NEK7: variants seen among roughly 807,000 people sequenced by gnomAD.
The protein encoded by NEK7 is NIMA related kinase 7.
In NEK7, 18 loss-of-function variants were observed where a neutral mutation model predicts 44.6. The ratio of observed to expected loss-of-function variants is 0.40; its 90% CI spans 0.28 to 0.60. The LOEUF is 0.60. NEK7 is among the 20% of genes least tolerant of loss of function. The pLI is 0.38. For synonymous variants in NEK7, 130 were observed against 121.1 expected (o/e 1.07, Z -0.48); for missense variants, 256 against 366.5 (o/e 0.70, Z 2.46).
chr1:198,294,837 A>T lies in NEK7; in HGVS notation c.684+1798A>T, dbSNP rs542938215. ...CGCATTTTCTTGATTTCTCCATGCA[A>T]ATCTTTTAGAAGAACTAGAATTTTT... On this transcript the variant is annotated intron_variant, in intron 8 of 9. Coordinates refer to ENST00000367385, the MANE Select transcript of NEK7 (RefSeq NM_133494.3). 4.6e-5 allele frequency among the ~76,000 whole-genome samples: 7 copies of T among 152,256 alleles called. No homozygotes were observed. The South Asian group carries it at 6.2e-4, about 14-fold the overall frequency.
intron 2 of NEK7, among the ~76,000 whole-genome samples, chr1:198,250,638 A>G (rs1652913277): frequency 7.1e-6 from 1 of 140,884 alleles, no homozygotes; most frequent in African/African-American, 2.7e-5. Context: ...TTCTCTTTGA[A>G]GCAATTGTGA....
chr1:198,158,236 T>C (rs1037629835), intron 1 of NEK7, among the ~76,000 whole-genome samples: 1 of 152,182 alleles, frequency 6.6e-6, no homozygotes, highest in Admixed American at 6.5e-5. Context: ...CATGTTACTG[T>C]CCTTGCGCAA....
At chr1:198,186,853 C>T (rs534218658) in intron 1 of NEK7, among the ~76,000 whole-genome samples, 1 of 152,226 alleles carries the variant, frequency 6.6e-6, no homozygotes, top group Admixed American at 6.5e-5. Flanking sequence ...AAGTAAAGTC[C>T]CAGACAGTAC....
intron 1 of NEK7, among the ~76,000 whole-genome samples, chr1:198,205,126 A>G (rs917598049): frequency 1.1e-4 from 16 of 152,114 alleles, no homozygotes; most frequent in African/African-American, 4.8e-5. Context: ...TTTGGATCCA[A>G]TTTATACTCA....
chr1:198,252,658 G>GT (rs1303979054), intron 2 of NEK7, among the ~76,000 whole-genome samples: 2 of 134,940 alleles, frequency 1.5e-5, no homozygotes, highest in Non-Finnish European at 3.1e-5. Context: ...ATATATGTAT[G>GT]TTTATATATT....
intron 1 of NEK7, among the ~76,000 whole-genome samples, chr1:198,158,150 T>C (rs570346614): frequency 2.4e-4 from 36 of 152,288 alleles, no homozygotes; most frequent in African/African-American, 8.4e-4. Flanking sequence ...GGAGAGATGA[T>C]GTATCGTGTT....
chr1:198,239,364 C>T (rs1666623716), intron 2 of NEK7, among the ~76,000 whole-genome samples: 1 of 151,952 alleles, frequency 6.6e-6, no homozygotes, highest in African/African-American at 2.4e-5. Context: ...TTGATTATAA[C>T]CATGCTTTTT....
chr1:198,292,763 A>C (rs994036914), intron 7 of NEK7, among the ~76,000 whole-genome samples, 182 bp from the exon 8 acceptor site: 1 of 151,946 alleles, frequency 6.6e-6, no homozygotes, highest in Non-Finnish European at 1.5e-5. Flanking sequence ...TTAGTGTACT[A>C]TTTAAGGGTC....
chr1:198,198,246 T>C, intron 1 of NEK7: 1 of 563,092 alleles, frequency 1.8e-6, no homozygotes, highest in Non-Finnish European at 3.3e-6. Flanking sequence ...TCTCCTCAGC[T>C]CAATACATTT....
intron 2 of NEK7, among the ~76,000 whole-genome samples, chr1:198,243,861 G>A (rs936094649): frequency 5.9e-5 from 9 of 151,958 alleles, no homozygotes; most frequent in African/African-American, 1.4e-4. Flanking sequence ...GAAGAAACAC[G>A]AATAATTAGG....
chr1:198,232,843 A>G (rs528069326), intron 2 of NEK7, among the ~76,000 whole-genome samples: 10 of 148,788 alleles, frequency 6.7e-5, no homozygotes, highest in African/African-American at 2.5e-4. Context: ...TTTTAGGTGT[A>G]ATTAGTACAC....
intron 8 of NEK7, among the ~76,000 whole-genome samples, chr1:198,295,420 G>A (rs1203934042): frequency 1.3e-5 from 2 of 152,100 alleles, no homozygotes; most frequent in African/African-American, 4.8e-5. Context: ...TCAGTGTGGA[G>A]GATCAAATTA....
intron 7 of NEK7, among the ~76,000 whole-genome samples, chr1:198,285,240 C>T (rs926272432): frequency 1.3e-5 from 2 of 151,906 alleles, no homozygotes; most frequent in African/African-American, 2.4e-5. Flanking sequence ...ATCCTAGATA[C>T]CTAGAAGAGG....
chr1:198,295,331 C>T (rs1434717111), intron 8 of NEK7, among the ~76,000 whole-genome samples: 1 of 152,092 alleles, frequency 6.6e-6, no homozygotes, highest in Admixed American at 6.6e-5. Flanking sequence ...GCTTTCGTCC[C>T]TCCGACACCC....
intron 5 of NEK7, among the ~76,000 whole-genome samples, chr1:198,266,891 A>G (rs1433611692): frequency 6.6e-6 from 1 of 151,994 alleles, no homozygotes. Flanking sequence ...GCATCATACA[A>G]ATCTACCCTT....
chr1:198,176,718 G>C (rs772960326), intron 1 of NEK7, among the ~76,000 whole-genome samples: 1 of 152,024 alleles, frequency 6.6e-6, no homozygotes, highest in Non-Finnish European at 1.5e-5. Context: ...TGATGTTTGT[G>C]AGGCAGAATT....
At chr1:198,255,764 AT>A in intron 3 of NEK7, among the ~76,000 whole-genome samples, 1 of 152,208 alleles carries the variant, frequency 6.6e-6, no homozygotes, top group South Asian at 2.1e-4. Flanking sequence ...TTTAAACCTA[AT>A]TTCTTCATAG....
intron 1 of NEK7, among the ~76,000 whole-genome samples, chr1:198,160,250 C>G (rs996207617): frequency 2.6e-5 from 4 of 151,174 alleles, no homozygotes; most frequent in African/African-American, 9.7e-5. Flanking sequence ...TTAGTGATTA[C>G]GCACTTTTGG....
At chr1:198,222,969 C>G (rs1666112164) in intron 1 of NEK7, among the ~76,000 whole-genome samples, 2 of 151,980 alleles carry the variant, frequency 1.3e-5, no homozygotes, top group South Asian at 4.1e-4. Flanking sequence ...AATTCTGGGC[C>G]TAGAGGATAG....
Sources: gnomAD v4.1 joint callset for allele counts (sites outside exome capture counted in the v4.1 genomes callset) on GRCh38, gnomAD v4.1.1 for gene constraint, MANE v1.5 for transcripts, NCBI Gene and HGNC (gene_info 2026-07-23, HGNC 2026-07-21) for gene names.